Variants in ZNF385D observed in about 807,000 individuals in gnomAD.
The protein encoded by ZNF385D is zinc finger protein 385D, also known as zinc finger protein 659.
In ZNF385D, 15 loss-of-function variants were observed where a neutral mutation model predicts 35.8. The ratio of observed to expected loss-of-function variants is 0.42; its 90% CI spans 0.28 to 0.64. ZNF385D has a LOEUF of 0.64. Ranked by LOEUF, ZNF385D falls within the 30% of genes least tolerant of loss-of-function variation. The pLI is 0.23. For synonymous variants in ZNF385D, 212 were observed against 186.8 expected (o/e 1.13, Z -1.10); for missense variants, 474 against 494.6 (o/e 0.96, Z 0.39).
intron 3 of ZNF385D, among the ~76,000 whole-genome samples, chr3:21,903,676 A>AT (rs1254611967): frequency 6.6e-6 from 1 of 152,168 alleles, no homozygotes; most frequent in Middle Eastern, 3.2e-3. Flanking sequence ...CTCAATAAGC[A>AT]TTTTTTAAAA....
At chr3:21,505,033 A>C (rs1706667749) in intron 4 of ZNF385D, among the ~76,000 whole-genome samples, 1 of 152,200 alleles carries the variant, frequency 6.6e-6, no homozygotes, top group Admixed American at 6.5e-5. Context: ...AGCATGAACC[A>C]TTCCAGGAAT....
intron 3 of ZNF385D, among the ~76,000 whole-genome samples, chr3:21,899,824 G>T (rs1267752977): frequency 6.6e-6 from 1 of 152,060 alleles, no homozygotes; most frequent in Non-Finnish European, 1.5e-5. Flanking sequence ...CTAAAATGAT[G>T]ATTCCTCCCT....
At chr3:22,224,997 T>C (rs763022634) in intron 2 of ZNF385D, among the ~76,000 whole-genome samples, 2 of 152,092 alleles carry the variant, frequency 1.3e-5, no homozygotes, top group Non-Finnish European at 2.9e-5. Context: ...ATGTTCCTAA[T>C]AGTGCTTATT....
chr3:21,784,697 T>C (rs1321695450), intron 3 of ZNF385D, among the ~76,000 whole-genome samples: 2 of 151,934 alleles, frequency 1.3e-5, no homozygotes, highest in South Asian at 2.1e-4. Flanking sequence ...CATGATGTTT[T>C]AGACATTTCC....
At chr3:22,206,585 G>C (rs142439264) in intron 2 of ZNF385D, among the ~76,000 whole-genome samples, 233 of 151,928 alleles carry the variant, frequency 1.5e-3, no homozygotes, top group African/African-American at 5.3e-3. Context: ...TATCTTCTCT[G>C]ACCACCATGA....
At chr3:21,774,656 T>G (rs183924966) in intron 3 of ZNF385D, among the ~76,000 whole-genome samples, 37 of 151,856 alleles carry the variant, frequency 2.4e-4, no homozygotes, top group Admixed American at 1.9e-3. Context: ...AGAGACATAT[T>G]TAAGAGATTT....
chr3:21,467,262 A>C (rs1703574475), intron 4 of ZNF385D, among the ~76,000 whole-genome samples: 1 of 152,202 alleles, frequency 6.6e-6, no homozygotes, highest in Non-Finnish European at 1.5e-5. Context: ...AAATGTAAAA[A>C]CCAAGACCAT....
chr3:21,478,161 C>T (rs771237016), intron 4 of ZNF385D, among the ~76,000 whole-genome samples: 6 of 152,064 alleles, frequency 3.9e-5, no homozygotes, highest in Non-Finnish European at 8.8e-5. Context: ...TAACTTCAGC[C>T]TAAATACCAA....
chr3:21,604,462 G>A (rs1047802175), intron 2 of ZNF385D, among the ~76,000 whole-genome samples: 4 of 152,218 alleles, frequency 2.6e-5, no homozygotes, highest in Non-Finnish European at 2.9e-5. Flanking sequence ...TAGTTTGGCA[G>A]TGCTATGCTA....
At chr3:21,825,134 A>C (rs1447458072) in intron 3 of ZNF385D, among the ~76,000 whole-genome samples, 1 of 152,198 alleles carries the variant, frequency 6.6e-6, no homozygotes, top group African/African-American at 2.4e-5. Flanking sequence ...TATTTTTCTC[A>C]CGCCAATATT....
intron 1 of ZNF385D, among the ~76,000 whole-genome samples, chr3:21,737,052 G>A (rs569177953): frequency 1.5e-3 from 231 of 152,080 alleles, no homozygotes; most frequent in Non-Finnish European, 2.9e-3. Flanking sequence ...TGAATCTTCT[G>A]CCTCAGCCTC....
At chr3:21,755,397 CT>C (rs1349984756), upstream of ZNF385D, among the ~76,000 whole-genome samples, 1 of 152,196 alleles carries the variant, frequency 6.6e-6, no homozygotes, top group Non-Finnish European at 1.5e-5. Flanking sequence ...TCCCTATTCG[CT>C]TCTCCATTTG....
chr3:21,889,918 C>T (rs1221430596), intron 3 of ZNF385D, among the ~76,000 whole-genome samples: 1 of 152,028 alleles, frequency 6.6e-6, no homozygotes, highest in African/African-American at 2.4e-5. Flanking sequence ...TCAGTAAGTC[C>T]AATCTTCACA....
intron 3 of ZNF385D, among the ~76,000 whole-genome samples, chr3:21,536,652 A>G (rs2062041361): frequency 6.6e-6 from 1 of 152,118 alleles, no homozygotes; most frequent in Non-Finnish European, 1.5e-5. Context: ...AAACAGGCAA[A>G]AATTTTTGCC....
intron 1 of ZNF385D, among the ~76,000 whole-genome samples, chr3:21,744,586 T>C (rs2069673438): frequency 6.6e-6 from 1 of 152,174 alleles, no homozygotes; most frequent in Admixed American, 6.5e-5. Context: ...TGGAGAAAAT[T>C]CACTTAAGCA....
chr3:21,767,060 A>AG (rs1208724374), intron 3 of ZNF385D, among the ~76,000 whole-genome samples: 1 of 145,756 alleles, frequency 6.9e-6, no homozygotes, highest in Non-Finnish European at 1.5e-5. Flanking sequence ...TGTGCGTACA[A>AG]CCCCCCCACC....
chr3:22,059,984 T>C (rs1194826991), intron 3 of ZNF385D, among the ~76,000 whole-genome samples: 1 of 152,176 alleles, frequency 6.6e-6, no homozygotes, highest in African/African-American at 2.4e-5. Flanking sequence ...GACTTTTCTC[T>C]TTCTCCACTG....
intron 2 of ZNF385D, among the ~76,000 whole-genome samples, chr3:21,565,790 G>GACTT (rs1465391683): frequency 1.3e-5 from 2 of 152,066 alleles, no homozygotes; most frequent in Admixed American, 6.6e-5. Context: ...GAGATAAAAG[G>GACTT]ACTTATAAGT....
chr3:22,269,116 C>T (rs1056987229), intron 2 of ZNF385D, among the ~76,000 whole-genome samples: 3 of 152,034 alleles, frequency 2.0e-5, no homozygotes, highest in Middle Eastern at 3.4e-3. Flanking sequence ...ACAGCTTATA[C>T]CCTGCCAATG....
Sources: gnomAD v4.1 joint callset for allele counts (sites outside exome capture counted in the v4.1 genomes callset) on GRCh38, gnomAD v4.1.1 for gene constraint, MANE v1.5 for transcripts, NCBI Gene and HGNC (gene_info 2026-07-23, HGNC 2026-07-21) for gene names.